The following KDM4A variants were observed in gnomAD, a reference collection of about 807,000 sequenced individuals.
The protein encoded by KDM4A is lysine-specific demethylase 4A.
Under a neutral mutation model 127.1 loss-of-function variants are expected in KDM4A, and 23 were observed. The ratio of observed to expected loss-of-function variants is 0.18; its 90% CI spans 0.13 to 0.26. The LOEUF (loss-of-function observed/expected upper bound fraction) is 0.26, where lower values mean the gene tolerates loss of function less well. Ranked by LOEUF, KDM4A falls within the 10% of genes least tolerant of loss-of-function variation. The pLI, the probability that KDM4A is intolerant of heterozygous loss-of-function variation, is 1.00. For synonymous variants in KDM4A, 443 were observed against 466.5 expected (o/e 0.95, Z 0.65); for missense variants, 890 against 1,329.1 (o/e 0.67, Z 5.14).
Position 43,697,826 on chromosome 1 carries a change from C to T in KDM4A, c.2671-17C>T. 6.2e-7 allele frequency: 1 copy of T among 1,608,652 alleles called. No individual in the cohort carries two copies. The highest frequency in any genetic ancestry group is 8.5e-7 in the Non-Finnish European group (1 of 1,177,244). On this transcript the variant is annotated splice_polypyrimidine_tract_variant and intron_variant, in intron 18 of 21. Coordinates refer to ENST00000372396, the MANE Select transcript of KDM4A (RefSeq NM_014663.3). ...AAACTCCACGTGTGAGTAACCAAAGCCTCTGTTTTTTTCCAGCGTGCCAAG... is the reference window on the plus strand; with the variant it reads ...AAACTCCACGTGTGAGTAACCAAAGTCTCTGTTTTTTTCCAGCGTGCCAAG...
At chr1:43,654,459 CTTTT>C (rs113258820) in intron 2 of KDM4A, among the ~76,000 whole-genome samples, 3 of 146,298 alleles carry the variant, frequency 2.1e-5, no homozygotes, top group Non-Finnish European at 4.5e-5. Flanking sequence ...ATTCTTTTTT[CTTTT>C]TTTTTTTCTT....
intron 11 of KDM4A, among the ~76,000 whole-genome samples, chr1:43,674,445 A>C (rs1660694955): frequency 6.6e-6 from 1 of 152,022 alleles, no homozygotes; most frequent in South Asian, 2.1e-4. Flanking sequence ...GGAGCTCAGA[A>C]TGTCGCTTTA....
At chr1:43,685,505 A>G (rs999724905) in intron 12 of KDM4A, among the ~76,000 whole-genome samples, 1 of 151,382 alleles carries the variant, frequency 6.6e-6, no homozygotes, top group African/African-American at 2.4e-5. Context: ...GTGGTGGCTC[A>G]CACCTGTAAT....
In KDM4A at chr1:43,691,959, C is replaced by G. The variant is rs60966070; in HGVS notation, c.2320-297C>G. Among the ~76,000 whole-genome samples the G allele has an allele frequency of 9.3e-3, 1,419 of 152,290 alleles. 22 individuals are homozygous for G. The highest frequency in any genetic ancestry group is 0.033 in the African/African-American group (1,354 of 41,546). On this transcript the variant is annotated intron_variant, in intron 15 of 21. Transcript: ENST00000372396. Reference sequence around the variant, plus strand: ...AGCCCATATAAGAAGCAGTCAGAGCCCTGTCATGCCTCTAGTTTGAGCAAA... The same window carrying G: ...AGCCCATATAAGAAGCAGTCAGAGCGCTGTCATGCCTCTAGTTTGAGCAAA...
Position 43,694,245 on chromosome 1 carries a change from G to GA in KDM4A, c.2484+143_2484+144insA. The GA allele has an allele frequency of 2.9e-6, 2 of 684,352 alleles. No individual in the cohort carries two copies. The highest frequency in any genetic ancestry group is 5.0e-6 in the Non-Finnish European group (2 of 402,242). The allele number at this position is 684,352 out of a possible 1,614,324, so 42.4% of individuals were successfully genotyped here. A position where few individuals can be genotyped will look rare whatever the true frequency, so the allele number is the denominator to read the frequency against. On this transcript the variant is annotated intron_variant, in intron 17 of 21. Coordinates refer to ENST00000372396, the MANE Select transcript of KDM4A (RefSeq NM_014663.3). The surrounding 1 kb of genome is among the most constrained non-coding windows in gnomAD (Gnocchi z 5.2). ...AGATTCCTTAGTGGAGGCCAGGTGT[G>GA]GTGGCTCACACCTGTAATCCCAGCC... is the stretch of plus-strand genomic sequence containing the variant.
At chr1:43,651,242 G>A (rs569421256) in intron 1 of KDM4A, among the ~76,000 whole-genome samples, 2 of 152,244 alleles carry the variant, frequency 1.3e-5, no homozygotes, top group Admixed American at 1.3e-4. Flanking sequence ...ATAAACTTCG[G>A]GTTTCTCCAC....
Position 43,693,066 on chromosome 1 carries a change from T to C in KDM4A, c.2375+755T>C, listed in dbSNP as rs191672155. Among the ~76,000 whole-genome samples the C allele has an allele frequency of 5.3e-5, 8 of 152,346 alleles. No individual in the cohort carries two copies. Among genetic ancestry groups the C allele is most frequent in the Admixed American group, 1.3e-4 (2 of 15,306 alleles). On this transcript the variant is annotated intron_variant, in intron 16 of 21. Coordinates refer to ENST00000372396, the MANE Select transcript of KDM4A (RefSeq NM_014663.3). The surrounding 1 kb of genome is among the most constrained non-coding windows in gnomAD (Gnocchi z 4.2). ...TCCCAGTTATGCTGTCCCTGAGAGATAGCTACTCTGCCTGCTGCTTCTGCT... is the reference window on the plus strand; with the variant it reads ...TCCCAGTTATGCTGTCCCTGAGAGACAGCTACTCTGCCTGCTGCTTCTGCT...
intron 19 of KDM4A, 199 bp from the exon 20 acceptor site, chr1:43,703,418 T>A: frequency 9.1e-6 from 4 of 441,482 alleles, no homozygotes; most frequent in East Asian, 3.9e-5. Flanking sequence ...TTTGGTCACC[T>A]AGAAGCAGGA....
At chr1:43,704,187 G>C in intron 21 of KDM4A, 43 bp from the exon 22 acceptor site, 1 of 1,613,902 alleles carries the variant, frequency 6.2e-7, no homozygotes, top group Non-Finnish European at 8.5e-7. Flanking sequence ...CCTTTGTATT[G>C]TTCCTGGGGT....
chr1:43,654,702 A>AGT (rs58710892), intron 2 of KDM4A, among the ~76,000 whole-genome samples: 2,799 of 131,848 alleles, frequency 0.021, 36 homozygotes, highest in African/African-American at 0.032. Flanking sequence ...GATGCTTGTG[A>AGT]GTGTGTGTGT....
Position 43,705,254 on chromosome 1 carries a change from G to A in KDM4A, c.*884G>A, listed in dbSNP as rs1661524004. On this transcript the variant is annotated 3_prime_UTR_variant, in exon 22 of 22. Coordinates refer to ENST00000372396, the MANE Select transcript of KDM4A (RefSeq NM_014663.3). ...GATGAAAAAACTGGGGCCATTGGAGGCCCACTGTAGGTGGGAGGGAGCTGA... is the reference window on the plus strand; with the variant it reads ...GATGAAAAAACTGGGGCCATTGGAGACCCACTGTAGGTGGGAGGGAGCTGA... 7.9e-6 allele frequency: 1 copy of A among 126,928 alleles called. No individual in the cohort carries two copies. Among genetic ancestry groups the A allele is most frequent in the African/African-American group, 2.9e-5 (1 of 33,938 alleles). The allele number at this position is 126,928 out of a possible 1,614,324, so 7.9% of individuals were successfully genotyped here.
At position 43,669,815 on chromosome 1, in the gene KDM4A, AT is replaced by A. The variant is rs1270985571; in HGVS notation, c.1363+525del. Among the ~76,000 whole-genome samples the A allele has an allele frequency of 6.6e-5, 10 of 151,156 alleles. 1 individual carries two copies. The East Asian group carries it at 1.6e-3, about 24-fold the overall frequency. ...AGGTGCCTGCCACCATGCCTGGCTA[AT>A]TTTTTTTTGTATTTTTAGTAGCGAT... On this transcript the variant is annotated intron_variant, in intron 10 of 21. Coordinates refer to ENST00000372396, the MANE Select transcript of KDM4A (RefSeq NM_014663.3).
intron 18 of KDM4A, 134 bp from the exon 19 acceptor site, chr1:43,697,709 C>T (rs1661273684): frequency 3.6e-6 from 3 of 829,762 alleles, no homozygotes; most frequent in Non-Finnish European, 5.6e-6. Context: ...TAGCTCCCAT[C>T]TCTTCTCTCC....
chr1:43,690,511 G>A (rs541618329), intron 13 of KDM4A: 2 of 372,014 alleles, frequency 5.4e-6, no homozygotes, highest in South Asian at 2.4e-5. Flanking sequence ...GCCTCCCGAA[G>A]TGCTGGAATT....
Position 43,691,506 on chromosome 1 carries a change from G to C in KDM4A, c.2253G>C (p.Gly751=). 6.2e-7 allele frequency: 1 copy of C among 1,613,634 alleles called. No individual in the cohort carries two copies. The highest frequency in any genetic ancestry group is 8.5e-7 in the Non-Finnish European group (1 of 1,179,922). ...CSVRVHASCY[G]VPPAKASEDW... is the part of the protein sequence containing the mutation. Reference sequence around the variant, plus strand: ...TGGTGTCCCTGTTAGGTTGCTATGGGGTCCCCCCTGCAAAGGCTTCTGAAG... The same window carrying C: ...TGGTGTCCCTGTTAGGTTGCTATGGCGTCCCCCCTGCAAAGGCTTCTGAAG... Residue 751 remains glycine, a synonymous_variant, in exon 15 of 22, where the codon GGG becomes GGC. Transcript: ENST00000372396.
chr1:43,698,051 G>A (rs755010559), intron 19 of KDM4A, 38 bp downstream of exon 19: 8 of 1,595,498 alleles, frequency 5.0e-6, no homozygotes, highest in South Asian at 3.3e-5. Flanking sequence ...AGTTTGGAAT[G>A]GGGGGATGTT....
rs1557925232 is a variant in KDM4A at position 43,704,387 on chromosome 1, A to C, written c.*17A>C. On this transcript the variant is annotated 3_prime_UTR_variant, in exon 22 of 22. Coordinates refer to ENST00000372396, the MANE Select transcript of KDM4A (RefSeq NM_014663.3). Reference sequence around the variant, plus strand: ...ATGGAGTAGGTGCTTCCAGGGTCCAAGGGATTCTCAGCCATCCAGGCAAGA... The same window carrying C: ...ATGGAGTAGGTGCTTCCAGGGTCCACGGGATTCTCAGCCATCCAGGCAAGA... 1 of 1,608,864 alleles carries C rather than the reference A, an allele frequency of 6.2e-7. No homozygotes were observed. Among genetic ancestry groups the C allele is most frequent in the Non-Finnish European group, 8.5e-7 (1 of 1,177,844 alleles).
intron 10 of KDM4A, 52 bp downstream of exon 10, chr1:43,669,351 G>C (rs752725362): frequency 3.9e-6 from 6 of 1,539,042 alleles, no homozygotes; most frequent in Non-Finnish European, 5.4e-6. Context: ...TATGTGTCCC[G>C]TGTTAGATGC....
chr1:43,675,426 T>C (rs1660719236), intron 11 of KDM4A, among the ~76,000 whole-genome samples: 1 of 152,232 alleles, frequency 6.6e-6, no homozygotes, highest in Non-Finnish European at 1.5e-5. Context: ...AGTTCTGGAC[T>C]GCCTGAGAGA....
Sources: allele counts gnomAD v4.1 joint callset (sites outside exome capture counted in the v4.1 genomes callset), GRCh38; gene constraint gnomAD v4.1.1; non-coding constraint Gnocchi (gnomAD v3.1); transcripts MANE v1.5; gene names NCBI Gene and HGNC (gene_info 2026-07-23, HGNC 2026-07-21).